RGS7: variants seen among roughly 807,000 people sequenced by gnomAD.
RGS7 encodes the protein regulator of G protein signaling 7.
RGS7 carries 27 observed loss-of-function variants against 81.1 expected under a neutral mutation model. The ratio of observed to expected loss-of-function variants is 0.33; its 90% CI spans 0.25 to 0.46. RGS7 has a LOEUF of 0.46. Ranked by LOEUF, RGS7 falls within the 20% of genes least tolerant of loss-of-function variation. The pLI is 1.00. For synonymous variants in RGS7, 208 were observed against 207.7 expected (o/e 1.00, Z -0.01); for missense variants, 396 against 607.4 (o/e 0.65, Z 3.66).
At chr1:241,142,813 C>T (rs1250575921) in intron 2 of RGS7, among the ~76,000 whole-genome samples, 6 of 152,288 alleles carry the variant, frequency 3.9e-5, no homozygotes, top group South Asian at 2.1e-4. Context: ...CCTCAGAAAA[C>T]GGGATTTTCT....
intron 2 of RGS7, among the ~76,000 whole-genome samples, chr1:241,275,293 TA>T (rs2148368595): frequency 6.6e-6 from 1 of 152,356 alleles, no homozygotes; most frequent in East Asian, 1.9e-4. Context: ...GAGTACCTAC[TA>T]ATTTAGATTA....
intron 2 of RGS7, among the ~76,000 whole-genome samples, chr1:241,139,984 G>C (rs775301587): frequency 1.3e-5 from 2 of 152,134 alleles, no homozygotes; most frequent in Non-Finnish European, 2.9e-5. Flanking sequence ...CTGTTTCTGT[G>C]TGCTACCCCT....
At chr1:241,282,809 T>C (rs983294933) in intron 2 of RGS7, among the ~76,000 whole-genome samples, 6 of 152,216 alleles carry the variant, frequency 3.9e-5, no homozygotes, top group African/African-American at 1.4e-4. Context: ...TTCTTTTGTA[T>C]AGATTGATAG....
At chr1:241,268,707 C>G (rs1211626249) in intron 2 of RGS7, among the ~76,000 whole-genome samples, 1 of 152,108 alleles carries the variant, frequency 6.6e-6, no homozygotes, top group African/African-American at 2.4e-5. Context: ...CTAGAGCCCC[C>G]AGTCATGTGT....
chr1:240,930,589 TA>T, intron 6 of RGS7, 127 bp downstream of exon 6: 1 of 908,996 alleles, frequency 1.1e-6, no homozygotes, highest in Non-Finnish European at 1.8e-6. Flanking sequence ...AATTCAATGT[TA>T]AAAATATTGG....
At chr1:240,840,146 A>T (rs1657644516) in intron 9 of RGS7, among the ~76,000 whole-genome samples, 1 of 152,180 alleles carries the variant, frequency 6.6e-6, no homozygotes, top group Non-Finnish European at 1.5e-5. Context: ...TCCACACAGT[A>T]GCCAGAGTCA....
intron 6 of RGS7, among the ~76,000 whole-genome samples, chr1:240,886,401 T>G (rs1000389415): frequency 1.2e-4 from 18 of 152,244 alleles, no homozygotes; most frequent in Non-Finnish European, 2.9e-5. Context: ...AGAATCATGG[T>G]TGAATTATTC....
chr1:241,095,071 T>A (rs910770250), intron 3 of RGS7, among the ~76,000 whole-genome samples: 4 of 152,266 alleles, frequency 2.6e-5, no homozygotes, highest in African/African-American at 9.6e-5. Context: ...TGGGGTGGCC[T>A]TGATTGAGGC....
At chr1:241,176,850 A>T (rs1257135640) in intron 2 of RGS7, among the ~76,000 whole-genome samples, 1 of 152,126 alleles carries the variant, frequency 6.6e-6, no homozygotes, top group African/African-American at 2.4e-5. Flanking sequence ...TCCTCCTCAG[A>T]AATACTGAGG....
At chr1:241,252,792 T>C (rs2076896360) in intron 2 of RGS7, among the ~76,000 whole-genome samples, 1 of 152,072 alleles carries the variant, frequency 6.6e-6, no homozygotes, top group African/African-American at 2.4e-5. Flanking sequence ...TAGGCAGAAG[T>C]AGTGTGGTGC....
chr1:241,272,107 C>T (rs569322989), intron 2 of RGS7, among the ~76,000 whole-genome samples: 103 of 152,062 alleles, frequency 6.8e-4, no homozygotes, highest in African/African-American at 2.3e-3. Context: ...CATTCTCCTG[C>T]CTCAGCCTTC....
chr1:241,001,594 CATT>C (rs1194928734), intron 3 of RGS7, among the ~76,000 whole-genome samples: 5 of 152,074 alleles, frequency 3.3e-5, no homozygotes, highest in East Asian at 1.9e-4. Context: ...AACAAAACAT[CATT>C]GAGTTCTAAA....
intron 6 of RGS7, among the ~76,000 whole-genome samples, chr1:240,898,658 T>C (rs968166340): frequency 6.6e-6 from 1 of 152,236 alleles, no homozygotes; most frequent in Non-Finnish European, 1.5e-5. Context: ...CAGTTTGTTA[T>C]AATTTCTGTT....
rs576309215 is a variant in RGS7 at position 241,274,998 on chromosome 1, A to C, written c.78+80701T>G. Among the ~76,000 whole-genome samples, 3 of 152,372 alleles carry C rather than the reference A, an allele frequency of 2.0e-5. No homozygotes were observed. The East Asian group carries it at 5.8e-4, about 29-fold the overall frequency. On this transcript the variant is annotated intron_variant, in intron 2 of 18. Transcript: ENST00000440928. The stretch of plus-strand genomic sequence containing the variant: ...GTAAACATGATTCTATATTATCTGA[A>C]TAGCTACTTGGTTTAACTGACAGAA...
intron 3 of RGS7, among the ~76,000 whole-genome samples, chr1:241,088,694 C>A (rs889337656): frequency 3.9e-5 from 6 of 152,054 alleles, no homozygotes; most frequent in African/African-American, 1.4e-4. Flanking sequence ...GTGTATGTTT[C>A]TCCTGTTAAT....
chr1:240,989,335 G>A (rs1468858157), intron 3 of RGS7, among the ~76,000 whole-genome samples: 2 of 151,844 alleles, frequency 1.3e-5, no homozygotes, highest in Non-Finnish European at 2.9e-5. Flanking sequence ...AGCTACTCGG[G>A]AGGCTGAGGC....
intron 2 of RGS7, among the ~76,000 whole-genome samples, chr1:241,247,903 C>T (rs1362077302): frequency 6.6e-6 from 1 of 152,152 alleles, no homozygotes; most frequent in African/African-American, 2.4e-5. Flanking sequence ...ATGTAATCTG[C>T]AGTAATTGGA....
At chr1:241,205,421 C>A (rs1277315942) in intron 2 of RGS7, among the ~76,000 whole-genome samples, 3 of 151,508 alleles carry the variant, frequency 2.0e-5, no homozygotes, top group Non-Finnish European at 4.4e-5. Flanking sequence ...ATTCATAAAC[C>A]AATTAGCTAG....
intron 2 of RGS7, among the ~76,000 whole-genome samples, chr1:241,199,826 C>T (rs936372467): frequency 2.6e-5 from 4 of 152,142 alleles, no homozygotes; most frequent in South Asian, 4.2e-4. Context: ...AACCTCAGTC[C>T]GTCAATCAGA....
Sources: gnomAD v4.1 joint callset for allele counts (sites outside exome capture counted in the v4.1 genomes callset) on GRCh38, gnomAD v4.1.1 for gene constraint, MANE v1.5 for transcripts, NCBI Gene and HGNC (gene_info 2026-07-23, HGNC 2026-07-21) for gene names.